PTPRT: variants seen among roughly 807,000 people sequenced by gnomAD.
PTPRT encodes the protein receptor-type tyrosine-protein phosphatase T.
In PTPRT, 56 loss-of-function variants were observed where a neutral mutation model predicts 176.8. That is an observed-to-expected ratio of 0.32 (90% CI 0.26 to 0.40). The LOEUF is 0.40. Among genes scored for constraint, PTPRT ranks in the 10% least tolerant of loss-of-function variants. The probability of loss-of-function intolerance (pLI) is 1.00; values close to 1 mark genes in which losing one functional copy is unlikely to be tolerated. For missense variants in PTPRT, 1,540 were observed against 1,908.2 expected (o/e 0.81, Z 3.60); for synonymous variants, 783 against 739.0 (o/e 1.06, Z -0.96).
chr20:42,821,576 G>A (rs1162592092), intron 2 of PTPRT, among the ~76,000 whole-genome samples: 1 of 152,172 alleles, frequency 6.6e-6, no homozygotes, highest in Non-Finnish European at 1.5e-5. Flanking sequence ...CCAGGCAAGA[G>A]GAAGAAATAA....
In PTPRT at chr20:42,102,307, A is replaced by G. The variant is rs1159721116; in HGVS notation, c.3541-10T>C. 1 of 1,612,472 alleles carries G rather than the reference A, an allele frequency of 6.2e-7. No individual in the cohort carries two copies. ...TCACAATGTTGAGGGTCTGTGGGGCACAAAGGTGAATAGATAGGCCCTGCT... is the reference window on the plus strand; with the variant it reads ...TCACAATGTTGAGGGTCTGTGGGGCGCAAAGGTGAATAGATAGGCCCTGCT... On this transcript the variant is annotated splice_polypyrimidine_tract_variant and intron_variant, in intron 25 of 30. Coordinates refer to ENST00000373187, the MANE Select transcript of PTPRT (RefSeq NM_007050.6).
intron 1 of PTPRT, among the ~76,000 whole-genome samples, chr20:42,918,537 G>T (rs1293194919): frequency 6.6e-6 from 1 of 152,064 alleles, no homozygotes; most frequent in Non-Finnish European, 1.5e-5. Context: ...TTTCCAGTTT[G>T]GTTCATCGAT....
At chr20:42,685,129 T>C (rs2075670806) in intron 6 of PTPRT, among the ~76,000 whole-genome samples, 1 of 152,218 alleles carries the variant, frequency 6.6e-6, no homozygotes, top group African/African-American at 2.4e-5. Flanking sequence ...GACAATGGTA[T>C]ACACAAAAGG....
chr20:42,911,003 G>A (rs1012998257), intron 1 of PTPRT, among the ~76,000 whole-genome samples: 4 of 152,106 alleles, frequency 2.6e-5, no homozygotes, highest in Non-Finnish European at 5.9e-5. Context: ...ATCAGATCTC[G>A]TGAGAACTTG....
intron 1 of PTPRT, among the ~76,000 whole-genome samples, chr20:42,956,095 G>C (rs1375691316): frequency 6.6e-6 from 1 of 152,174 alleles, no homozygotes; most frequent in Non-Finnish European, 1.5e-5. Context: ...TGCATGTACA[G>C]GTTGTGACAC....
At position 42,199,343 on chromosome 20, in the gene PTPRT, C is replaced by T. The variant is rs1448838211; in HGVS notation, c.2388G>A (p.Arg796=). 6.2e-7 allele frequency: 1 copy of T among 1,614,130 alleles called. No individual in the cohort carries two copies. The highest frequency in any genetic ancestry group is 8.5e-7 in the Non-Finnish European group (1 of 1,179,988). ...CGGCAGAGGCCACAGGCCCCATCTCCCTCTGGGCTCCACTCTGGGTCTCCT... is the reference window on the plus strand; with the variant it reads ...CGGCAGAGGCCACAGGCCCCATCTCTCTCTGGGCTCCACTCTGGGTCTCCT... The part of the protein sequence containing the change: ...KQKETQSGAQ[R]EMGPVASADK... Residue 796 remains arginine, a synonymous_variant, in exon 16 of 31, where the codon AGG becomes AGA. Transcript: ENST00000373187.
chr20:42,141,907 G>T lies in PTPRT; in HGVS notation c.2770+8C>A, dbSNP rs370921770. On this transcript the variant is annotated splice_region_variant and intron_variant, in intron 18 of 30. Transcript: ENST00000373187. ...CTGAAGCTTAGGAGCTCCCAGAAGG[G>T]CACCTACAGGATATGATGTTCCCAT... is the stretch of plus-strand genomic sequence containing the variant. 3.7e-6 allele frequency: 6 copies of T among 1,611,874 alleles called. No homozygotes were observed. The African/African-American group carries it at 8.0e-5, about 22-fold the overall frequency.
At chr20:42,422,368 A>G (rs1459887682) in intron 9 of PTPRT, among the ~76,000 whole-genome samples, 1 of 152,144 alleles carries the variant, frequency 6.6e-6, no homozygotes, top group African/African-American at 2.4e-5. Context: ...GAGAAAAAAA[A>G]CCCATACAAA....
intron 6 of PTPRT, among the ~76,000 whole-genome samples, chr20:42,713,136 T>C (rs1022702186): frequency 6.9e-6 from 1 of 144,148 alleles, no homozygotes; most frequent in African/African-American, 2.7e-5. Context: ...TACATACACA[T>C]ACACACGTAC....
chr20:42,166,923 G>GA (rs796689949), intron 16 of PTPRT, among the ~76,000 whole-genome samples: 191 of 138,974 alleles, frequency 1.4e-3, no homozygotes, highest in Middle Eastern at 3.5e-3. Context: ...CTCCATCTTA[G>GA]AAAAAAAAAA....
In PTPRT at chr20:42,128,753, C is replaced by T. The variant is rs763353429; in HGVS notation, c.2847+1G>A. The T allele has an allele frequency of 6.3e-7, 1 of 1,595,008 alleles. No individual in the cohort carries two copies. The highest frequency in any genetic ancestry group is 8.6e-7 in the Non-Finnish European group (1 of 1,169,270). On this transcript the variant is annotated splice_donor_variant, in intron 19 of 30. Coordinates refer to ENST00000373187, the MANE Select transcript of PTPRT (RefSeq NM_007050.6). LOFTEE classifies it high-confidence loss of function. ...GCCCCCAGCCCCATTAAGACACTCACGTCAATGTAGTTGGCATTGATGTAG... is the reference window on the plus strand; with the variant it reads ...GCCCCCAGCCCCATTAAGACACTCATGTCAATGTAGTTGGCATTGATGTAG...
chr20:42,999,387 A>G (rs1277367611), intron 1 of PTPRT, among the ~76,000 whole-genome samples: 2 of 149,236 alleles, frequency 1.3e-5, no homozygotes, highest in Non-Finnish European at 3.0e-5. Context: ...ATAAGAATGT[A>G]TTAACTTTTG....
intron 12 of PTPRT, among the ~76,000 whole-genome samples, chr20:42,295,927 T>C (rs2057380044): frequency 6.6e-6 from 1 of 152,236 alleles, no homozygotes; most frequent in South Asian, 2.1e-4. Context: ...GTGAAGGACA[T>C]GTTTGCTTCT....
intron 15 of PTPRT, among the ~76,000 whole-genome samples, chr20:42,217,313 T>G (rs1600690180): frequency 1.4e-5 from 2 of 145,380 alleles, no homozygotes; most frequent in African/African-American, 5.1e-5. Context: ...GCGGGGAGGT[T>G]GGAGTGAGCC....
chr20:42,355,115 C>A (rs964933337), intron 9 of PTPRT, among the ~76,000 whole-genome samples: 4 of 152,128 alleles, frequency 2.6e-5, no homozygotes, highest in African/African-American at 9.7e-5. Context: ...TCCATGGGTG[C>A]TTGCTGGGAA....
At chr20:43,152,817 A>T (rs139480296) in intron 1 of PTPRT, among the ~76,000 whole-genome samples, 2 of 152,320 alleles carry the variant, frequency 1.3e-5, no homozygotes, top group East Asian at 3.9e-4. Context: ...TTAATTACAT[A>T]CTATATATCA....
chr20:42,518,600 A>G (rs1483584602), intron 7 of PTPRT, among the ~76,000 whole-genome samples: 1 of 152,032 alleles, frequency 6.6e-6, no homozygotes, highest in Non-Finnish European at 1.5e-5. Context: ...CCATATCTGT[A>G]GACTAACTAT....
intron 1 of PTPRT, among the ~76,000 whole-genome samples, chr20:42,933,419 C>T (rs1396941924): frequency 6.6e-6 from 1 of 152,166 alleles, no homozygotes; most frequent in Non-Finnish European, 1.5e-5. Flanking sequence ...TGGGCCACCT[C>T]ACTCTTCCCT....
rs3091704 is a variant in PTPRT at position 43,045,629 on chromosome 20, AT to A, written c.88+144016del. Among the ~76,000 whole-genome samples the A allele has an allele frequency of 5.4e-3, 715 of 132,760 alleles. 3 individuals are homozygous for A. The highest frequency in any genetic ancestry group is 0.013 in the South Asian group (55 of 4,150). 87.1% of individuals were successfully genotyped at this position (132,760 alleles called of 152,430 possible). On this transcript the variant is annotated intron_variant, in intron 1 of 30. Coordinates refer to ENST00000373187, the MANE Select transcript of PTPRT (RefSeq NM_007050.6). Reference sequence around the variant, plus strand: ...ACCACCATGTCCAGCTAATTTTTCTATTTTTTTTTTTTTTGTAAAGACAGGG... The same window carrying A: ...ACCACCATGTCCAGCTAATTTTTCTATTTTTTTTTTTTTGTAAAGACAGGG...
Sources: allele counts gnomAD v4.1 joint callset (sites outside exome capture counted in the v4.1 genomes callset), GRCh38; gene constraint gnomAD v4.1.1; transcripts MANE v1.5; gene names NCBI Gene and HGNC (gene_info 2026-07-23, HGNC 2026-07-21).